Variants in SAMD5 observed in about 807,000 individuals in gnomAD.
SAMD5 encodes sterile alpha motif domain containing 5.
A neutral mutation model predicts 11.3 loss-of-function variants in SAMD5; 13 were observed. That is an observed-to-expected ratio of 1.15 (90% CI 0.75 to 1.83). SAMD5 has a LOEUF of 1.83. Ranked by LOEUF, SAMD5 falls within the 40% of genes most tolerant of loss-of-function variation. The pLI, the probability that SAMD5 is intolerant of heterozygous loss-of-function variation, is 0.00. For missense variants in SAMD5, 255 were observed against 239.1 expected (o/e 1.07, Z -0.44); for synonymous variants, 129 against 111.3 (o/e 1.16, Z -1.00).
At chr6:147,827,160 A>C in the SAMD5 span, among the ~76,000 whole-genome samples, 3 of 152,200 alleles carry the variant, frequency 2.0e-5, no homozygotes, top group Non-Finnish European at 4.4e-5. Context: ...TCGGAGTGCA[A>C]ATAGAGATTA....
chr6:147,750,648 G>C, the SAMD5 span, among the ~76,000 whole-genome samples: 5 of 152,218 alleles, frequency 3.3e-5, no homozygotes, highest in Admixed American at 6.5e-5. Context: ...GACTGGGCCC[G>C]GCACAGTGGC....
chr6:147,674,516 T>C (rs1405750540), intron 1 of SAMD5, among the ~76,000 whole-genome samples: 3 of 152,170 alleles, frequency 2.0e-5, no homozygotes, highest in African/African-American at 4.8e-5. Context: ...TCCTTCTCAA[T>C]GCACTCCAAC....
At chr6:147,620,163 C>G (rs1789938103) in intron 1 of SAMD5, among the ~76,000 whole-genome samples, 1 of 152,206 alleles carries the variant, frequency 6.6e-6, no homozygotes, top group African/African-American at 2.4e-5. Flanking sequence ...TTCCATCCTT[C>G]CTTTCCTCGA....
chr6:147,509,458 G>A (rs1788054367), intron 1 of SAMD5, 71 bp downstream of exon 1: 32 of 1,393,150 alleles, frequency 2.3e-5, no homozygotes, highest in Non-Finnish European at 3.1e-5. Flanking sequence ...CCTGTGCCAA[G>A]GCTTTGCAAC....
downstream of SAMD5, among the ~76,000 whole-genome samples, chr6:147,574,580 CAG>C (rs1789190810): frequency 6.6e-6 from 1 of 152,192 alleles, no homozygotes; most frequent in Non-Finnish European, 1.5e-5. Flanking sequence ...GCTGCTATAA[CAG>C]AATGCCTGAG....
the SAMD5 span, among the ~76,000 whole-genome samples, chr6:147,827,263 C>T: frequency 8.0e-5 from 12 of 150,306 alleles, no homozygotes; most frequent in East Asian, 3.9e-4. Flanking sequence ...CAGGATGGTG[C>T]GAAAAACTTG....
chr6:147,931,335 C>T, the SAMD5 span, among the ~76,000 whole-genome samples: 35,682 of 151,950 alleles, frequency 0.23, 4,862 homozygotes, highest in African/African-American at 0.36. Flanking sequence ...AAAATAATAT[C>T]CCATCCTTAT....
At chr6:147,515,081 C>G (rs996312877) in intron 1 of SAMD5, among the ~76,000 whole-genome samples, 1 of 150,170 alleles carries the variant, frequency 6.7e-6, no homozygotes, top group African/African-American at 2.4e-5. Flanking sequence ...CTTCTGCGTT[C>G]GTGACATTAC....
At chr6:147,541,799 C>A (rs572395335) in intron 1 of SAMD5, among the ~76,000 whole-genome samples, 1 of 152,190 alleles carries the variant, frequency 6.6e-6, no homozygotes, top group Non-Finnish European at 1.5e-5. Flanking sequence ...TGAGAAACCT[C>A]CTCAAAATCT....
chr6:147,906,680 T>C, the SAMD5 span, among the ~76,000 whole-genome samples: 1 of 152,158 alleles, frequency 6.6e-6, no homozygotes, highest in Non-Finnish European at 1.5e-5. Context: ...CTCAGTGAGG[T>C]GGGAGAAGTC....
chr6:147,794,024 A>G, the SAMD5 span, among the ~76,000 whole-genome samples: 1 of 152,082 alleles, frequency 6.6e-6, no homozygotes, highest in Non-Finnish European at 1.5e-5. Context: ...ATTCAAATTC[A>G]CTCTTAAAAA....
chr6:147,706,931 T>C (rs1270684011), intron 1 of SAMD5, among the ~76,000 whole-genome samples: 1 of 152,230 alleles, frequency 6.6e-6, no homozygotes, highest in Non-Finnish European at 1.5e-5. Context: ...ACACTATTTA[T>C]GACTGAGGTT....
At chr6:147,658,478 A>G (rs1790601004) in intron 1 of SAMD5, among the ~76,000 whole-genome samples, 1 of 152,090 alleles carries the variant, frequency 6.6e-6, no homozygotes, top group African/African-American at 2.4e-5. Context: ...TGATTTAGCA[A>G]CTGAGATAAT....
chr6:147,735,796 GT>G (rs954488749), intron 1 of SAMD5, among the ~76,000 whole-genome samples: 4 of 152,120 alleles, frequency 2.6e-5, no homozygotes, highest in Admixed American at 2.6e-4. Context: ...TAGTTGACGT[GT>G]TTTTCAAGTT....
At chr6:147,524,585 T>C (rs1236106117) in intron 1 of SAMD5, among the ~76,000 whole-genome samples, 1 of 152,186 alleles carries the variant, frequency 6.6e-6, no homozygotes, top group Non-Finnish European at 1.5e-5. Flanking sequence ...CAGTTATGTC[T>C]GCCATTCCTT....
the SAMD5 span, among the ~76,000 whole-genome samples, chr6:147,846,119 A>G: frequency 6.6e-6 from 1 of 152,106 alleles, no homozygotes; most frequent in Non-Finnish European, 1.5e-5. Flanking sequence ...AAAAAAAAAA[A>G]GCTATTTTAA....
At chr6:147,899,270 C>G in the SAMD5 span, among the ~76,000 whole-genome samples, 3 of 151,496 alleles carry the variant, frequency 2.0e-5, no homozygotes, top group Non-Finnish European at 2.9e-5. Flanking sequence ...CCTTGGGAAC[C>G]AGATCCAATT....
the SAMD5 span, among the ~76,000 whole-genome samples, chr6:147,941,505 G>A: frequency 6.6e-6 from 1 of 152,126 alleles, no homozygotes; most frequent in African/African-American, 2.4e-5. Context: ...TTACATTTCA[G>A]TTTATAGCCG....
chr6:147,535,199 C>A (rs1196221077), intron 1 of SAMD5, among the ~76,000 whole-genome samples: 2 of 152,124 alleles, frequency 1.3e-5, no homozygotes, highest in Non-Finnish European at 2.9e-5. Flanking sequence ...GGGAGTGAAC[C>A]CCAAGGTGAG....
Sources: gnomAD v4.1 joint callset for allele counts (sites outside exome capture counted in the v4.1 genomes callset) on GRCh38, gnomAD v4.1.1 for gene constraint, MANE v1.5 for transcripts, NCBI Gene and HGNC (gene_info 2026-07-23, HGNC 2026-07-21) for gene names.